Variants in RRM2 observed in about 807,000 individuals in gnomAD.
The protein encoded by RRM2 is ribonucleotide reductase regulatory subunit M2.
A neutral mutation model predicts 45.9 loss-of-function variants in RRM2; 6 were observed. That is an observed-to-expected ratio of 0.13 (90% confidence interval 0.07 to 0.26). The LOEUF is 0.26. Among genes scored for constraint, RRM2 ranks in the 10% least tolerant of loss-of-function variants. The probability of loss-of-function intolerance (pLI) is 1.00; values close to 1 mark genes in which losing one functional copy is unlikely to be tolerated. For missense variants in RRM2, 343 were observed against 489.5 expected (o/e 0.70, Z 2.82); for synonymous variants, 177 against 173.0 (o/e 1.02, Z -0.18).
At position 10,195,640 on chromosome 2, in the gene RRM2, C is replaced by T. The variant is rs1283394932; in HGVS notation, n.483-14671C>T. Among the ~76,000 whole-genome samples the T allele has an allele frequency of 6.6e-6, 1 of 152,136 alleles. No individual in the cohort carries two copies. Among genetic ancestry groups the T allele is most frequent in the African/African-American group, 2.4e-5 (1 of 41,422 alleles). Reference sequence around the variant, plus strand: ...AGGGAGAAGAGGTCGCGGTGAGCCTCGGGTGGACCCATGTGGCAGACCTGT... The same window carrying T: ...AGGGAGAAGAGGTCGCGGTGAGCCTTGGGTGGACCCATGTGGCAGACCTGT... On this transcript the variant is annotated intron_variant and non_coding_transcript_variant, in intron 3 of 3. Coordinates refer to the RRM2 transcript ENST00000381786. This position sits in a 1 kb window ranked among gnomAD's most constrained non-coding sequence, Gnocchi z 4.9.
intron 3 of RRM2, among the ~76,000 whole-genome samples, chr2:10,150,778 T>G (rs1347400177): frequency 3.6e-5 from 5 of 140,620 alleles, no homozygotes; most frequent in Non-Finnish European, 6.0e-5. Context: ...TGTGTTTTTT[T>G]TTTTTTTTTT....
chr2:10,156,412 C>A (rs1663428133), intron 3 of RRM2, among the ~76,000 whole-genome samples: 1 of 152,152 alleles, frequency 6.6e-6, no homozygotes, highest in Non-Finnish European at 1.5e-5. Flanking sequence ...TATCAGGGCA[C>A]TCACTGAATG....
At chr2:10,202,809 G>A (rs949650751) in intron 3 of RRM2, among the ~76,000 whole-genome samples, 2 of 152,190 alleles carry the variant, frequency 1.3e-5, no homozygotes, top group African/African-American at 2.4e-5. Context: ...AGATGGTGAT[G>A]CTCCTGCTCT....
intron 3 of RRM2, among the ~76,000 whole-genome samples, chr2:10,196,172 C>T (rs73917403): frequency 6.6e-6 from 1 of 152,168 alleles, no homozygotes; most frequent in South Asian, 2.1e-4. Flanking sequence ...AGACCCCTGT[C>T]CTCATATGAG....
At chr2:10,186,233 T>C (rs1287099304) in intron 3 of RRM2, among the ~76,000 whole-genome samples, 1 of 152,120 alleles carries the variant, frequency 6.6e-6, no homozygotes, top group East Asian at 1.9e-4. Flanking sequence ...ATAGCAGTGG[T>C]TTTCTTTTTT....
At chr2:10,136,043 C>T (rs188039509), downstream of RRM2, among the ~76,000 whole-genome samples, 86 of 152,238 alleles carry the variant, frequency 5.6e-4, 2 homozygotes, top group African/African-American at 2.0e-3. Context: ...ATCTCCATGG[C>T]TCTACTGGCA....
chr2:10,156,703 A>G lies in RRM2; in HGVS notation n.482+14328A>G, dbSNP rs998114044. On this transcript the variant is annotated intron_variant and non_coding_transcript_variant, in intron 3 of 3. Coordinates refer to the RRM2 transcript ENST00000381786. ...ACCTAGGCTGGAGTGCAGTGGTGCA[A>G]CCTCAGCTCCCTGTAACTTCCGCCT... Among the ~76,000 whole-genome samples the G allele has an allele frequency of 3.3e-5, 5 of 152,196 alleles. No individual in the cohort carries two copies. In the East Asian group the frequency reaches 7.7e-4, roughly 23 times the overall value.
intron 5 of RRM2, chr2:10,126,436 G>A (rs6759180): frequency 0.73 from 116,307 of 159,448 alleles, 43,742 homozygotes; most frequent in African/African-American, 0.89. Context: ...TATGATATAG[G>A]TGTGGCAACT....
chr2:10,184,731 A>G (rs7569023), intron 3 of RRM2, among the ~76,000 whole-genome samples: 33,286 of 152,180 alleles, frequency 0.22, 3,958 homozygotes, highest in East Asian at 0.51. Flanking sequence ...ATGGCCCTGA[A>G]TCCAGTAACA....
upstream of RRM2, among the ~76,000 whole-genome samples, chr2:10,136,606 T>C (rs1297868553): frequency 6.6e-6 from 1 of 152,120 alleles, no homozygotes; most frequent in African/African-American, 2.4e-5. Context: ...CCTATCTCTA[T>C]AGAAAAATTT....
chr2:10,177,696 T>TCCCTCCC lies in RRM2; in HGVS notation n.483-32615_483-32614insCCCTCCC, dbSNP rs1459466652. ...CTTCCTTCCTTCCTTCCTTCCTTCCTTCCTTCCTTCCTCTCTCCCTCCCTC... is the reference window on the plus strand; with the variant it reads ...CTTCCTTCCTTCCTTCCTTCCTTCCTCCCTCCCTCCTTCCTTCCTCTCTCCCTCCCTC... On this transcript the variant is annotated intron_variant and non_coding_transcript_variant, in intron 3 of 3. Coordinates refer to the RRM2 transcript ENST00000381786. 1.6e-3 allele frequency among the ~76,000 whole-genome samples: 244 copies of TCCCTCCC among 149,800 alleles called. 2 individuals carry two copies. The highest frequency in any genetic ancestry group is 5.6e-3 in the African/African-American group (221 of 39,576).
downstream of RRM2, among the ~76,000 whole-genome samples, chr2:10,136,112 C>T (rs114485185): frequency 1.3e-3 from 195 of 152,256 alleles, 1 homozygote; most frequent in African/African-American, 4.1e-3. Flanking sequence ...TTCCTGTGTC[C>T]GGGCAGCACC....
intron 3 of RRM2, among the ~76,000 whole-genome samples, chr2:10,149,192 G>A (rs1288855628): frequency 1.3e-5 from 2 of 151,656 alleles, no homozygotes; most frequent in Non-Finnish European, 2.9e-5. Flanking sequence ...GCAGTGGTGG[G>A]ATCTCAGCTT....
At chr2:10,123,365 G>A (rs756160466) in intron 2 of RRM2, 22 bp from the exon 3 acceptor site, 45 of 1,594,008 alleles carry the variant, frequency 2.8e-5, no homozygotes, top group Non-Finnish European at 3.5e-5. Context: ...GTACTTAAAT[G>A]TTTTATTTTC....
At chr2:10,201,220 C>T (rs755835401) in intron 3 of RRM2, among the ~76,000 whole-genome samples, 5 of 151,844 alleles carry the variant, frequency 3.3e-5, no homozygotes, top group Non-Finnish European at 7.4e-5. Flanking sequence ...AACCATACTG[C>T]CATAATTTAA....
At chr2:10,163,188 T>A (rs1663604773) in intron 3 of RRM2, among the ~76,000 whole-genome samples, 2 of 152,218 alleles carry the variant, frequency 1.3e-5, no homozygotes, top group African/African-American at 4.8e-5. Context: ...CGAAGGCTAT[T>A]CAGAGAGACT....
At chr2:10,124,085 T>C (rs1662730056) in intron 4 of RRM2, 1 of 510,146 alleles carries the variant, frequency 2.0e-6, no homozygotes, top group African/African-American at 2.0e-5. Flanking sequence ...GATGACTCTT[T>C]GTGGCCACCA....
chr2:10,166,581 T>A (rs1029999177), intron 3 of RRM2, among the ~76,000 whole-genome samples: 9 of 151,866 alleles, frequency 5.9e-5, no homozygotes, highest in African/African-American at 1.7e-4. Context: ...CCCCTGGGGG[T>A]AGAGAATTAT....
At chr2:10,184,577 G>A (rs1477018360) in intron 3 of RRM2, among the ~76,000 whole-genome samples, 1 of 152,238 alleles carries the variant, frequency 6.6e-6, no homozygotes, top group Non-Finnish European at 1.5e-5. Flanking sequence ...TGGGGCAGGC[G>A]GGACAGAGGC....
Sources: allele counts gnomAD v4.1 joint callset (sites outside exome capture counted in the v4.1 genomes callset), GRCh38; gene constraint gnomAD v4.1.1; non-coding constraint Gnocchi (gnomAD v3.1); transcripts MANE v1.5; gene names NCBI Gene and HGNC (gene_info 2026-07-23, HGNC 2026-07-21).